Variants in SARNP observed in about 807,000 individuals in gnomAD.
SARNP encodes SAP domain containing ribonucleoprotein.
In SARNP, 5 loss-of-function variants were observed where a neutral mutation model predicts 38.1. The observed-to-expected ratio is 0.13, with a 90% CI of 0.07 to 0.28. SARNP has a LOEUF of 0.28. SARNP is among the 10% of genes least tolerant of loss of function. SARNP has a pLI of 1.00. For synonymous variants in SARNP, 84 were observed against 80.6 expected, an observed-to-expected ratio of 1.04 and a Z score of -0.23; for missense variants, 180 against 243.9, an observed-to-expected ratio of 0.74 and a Z score of 1.75.
intron 7 of SARNP, 186 bp downstream of exon 7, chr12:55,794,173 G>C: frequency 1.7e-6 from 1 of 598,518 alleles, no homozygotes; most frequent in Non-Finnish European, 3.0e-6. Flanking sequence ...ATAACATTCA[G>C]TATCTCTCTT....
chr12:55,796,169 C>T, intron 4 of SARNP, 93 bp from the exon 5 acceptor site: 5 of 885,804 alleles, frequency 5.6e-6, no homozygotes, highest in African/African-American at 1.6e-5. Context: ...TCACCATTCT[C>T]TGCCCTATTA....
rs1878730334 is a variant in SARNP at position 55,763,293 on chromosome 12, A to G, written c.502-2653T>C. On this transcript the variant is annotated intron_variant, in intron 9 of 10. Coordinates refer to ENST00000336133, the MANE Select transcript of SARNP (RefSeq NM_033082.4). ...CTGTGTGCAGTTCTTTACACATGCAATATCTCATTTACTACTTTTTTTTTT... is the reference window on the plus strand; with the variant it reads ...CTGTGTGCAGTTCTTTACACATGCAGTATCTCATTTACTACTTTTTTTTTT... 3.3e-5 allele frequency among the ~76,000 whole-genome samples: 5 copies of G among 151,446 alleles called. No homozygotes were observed. The Admixed American group carries it at 3.3e-4, about 10-fold the overall frequency.
At chr12:55,771,108 T>C (rs1878996917) in intron 9 of SARNP, among the ~76,000 whole-genome samples, 1 of 150,346 alleles carries the variant, frequency 6.7e-6, no homozygotes, top group African/African-American at 2.5e-5. Context: ...TGGCTGTTTT[T>C]TGTTTGTTTG....
chr12:55,757,651 G>T, intron 10 of SARNP, 98 bp from the exon 11 acceptor site: 1 of 861,480 alleles, frequency 1.2e-6, no homozygotes. Flanking sequence ...CTGTCACAAG[G>T]CCCGAGAAGG....
intron 9 of SARNP, among the ~76,000 whole-genome samples, chr12:55,770,227 A>ATT (rs758062236): frequency 7.0e-5 from 10 of 142,626 alleles, no homozygotes; most frequent in South Asian, 2.2e-4. Flanking sequence ...TATAACTAGA[A>ATT]TTTTTTTTTT....
rs936084782 is a variant in SARNP, at chr12:55,757,566, A to G, written c.592-13T>C. The G allele has an allele frequency of 6.2e-7, 1 of 1,604,886 alleles. No homozygotes were observed. Among genetic ancestry groups the G allele is most frequent in the Non-Finnish European group, 8.5e-7 (1 of 1,177,240 alleles). On this transcript the variant is annotated splice_polypyrimidine_tract_variant and intron_variant, in intron 10 of 10. Transcript: ENST00000336133. ...TCCTCTTCTTTGCCTGTAAAGAAGAAGCAAGAAGAAAAAAATTAGACTGAA... is the reference window on the plus strand; with the variant it reads ...TCCTCTTCTTTGCCTGTAAAGAAGAGGCAAGAAGAAAAAAATTAGACTGAA...
intron 9 of SARNP, among the ~76,000 whole-genome samples, chr12:55,777,426 G>A (rs1344128591): frequency 6.6e-6 from 1 of 151,002 alleles, no homozygotes; most frequent in Non-Finnish European, 1.5e-5. Context: ...CCAGGCTGGA[G>A]TGCAGTGGCA....
At chr12:55,774,344 T>C (rs537401830) in intron 9 of SARNP, among the ~76,000 whole-genome samples, 20 of 150,738 alleles carry the variant, frequency 1.3e-4, no homozygotes, top group South Asian at 1.1e-3. Context: ...ACCTCATACC[T>C]AAGCATGGGT....
At chr12:55,783,817 G>A (rs750267708) in intron 9 of SARNP, among the ~76,000 whole-genome samples, 10 of 151,956 alleles carry the variant, frequency 6.6e-5, no homozygotes, top group Non-Finnish European at 1.0e-4. Context: ...ATTAGGCTGC[G>A]CACAGTGGCT....
At chr12:55,792,083 CCT>C (rs1879687096) in intron 7 of SARNP, among the ~76,000 whole-genome samples, 1 of 152,058 alleles carries the variant, frequency 6.6e-6, no homozygotes, top group Non-Finnish European at 1.5e-5. Flanking sequence ...ATAGTGAAAC[CCT>C]GTCTCTTAAA....
At chr12:55,757,582 T>C (rs1486121590) in intron 10 of SARNP, 29 bp from the exon 11 acceptor site, 1 of 1,594,084 alleles carries the variant, frequency 6.3e-7, no homozygotes, top group Non-Finnish European at 8.6e-7. Context: ...AAGAAAAAAA[T>C]TAGACTGAAG....
At chr12:55,756,157 G>A (rs534002125), downstream of SARNP, 6 of 152,316 alleles carry the variant, frequency 3.9e-5, no homozygotes, top group African/African-American at 1.2e-4. Context: ...GTAAAGAAAA[G>A]GAAGGCAGAC....
chr12:55,791,532 T>C (rs1218567059), intron 7 of SARNP, among the ~76,000 whole-genome samples: 2 of 152,026 alleles, frequency 1.3e-5, no homozygotes, highest in African/African-American at 4.8e-5. Flanking sequence ...CCATCTCTAC[T>C]ACAAATACAA....
intron 3 of SARNP, 63 bp downstream of exon 3, chr12:55,800,791 T>C: frequency 6.9e-7 from 1 of 1,441,134 alleles, no homozygotes; most frequent in Non-Finnish European, 9.8e-7. Flanking sequence ...TGACTGATGT[T>C]AAAGCAATGT....
chr12:55,808,501 T>C (rs920335464), intron 1 of SARNP, among the ~76,000 whole-genome samples: 2 of 152,094 alleles, frequency 1.3e-5, no homozygotes, highest in Non-Finnish European at 2.9e-5. Context: ...TTTCCCATGT[T>C]GGTCAGGCTA....
intron 9 of SARNP, 61 bp downstream of exon 9, chr12:55,789,014 T>C (rs73119252): frequency 0.044 from 48,833 of 1,100,342 alleles, 1,233 homozygotes; most frequent in Middle Eastern, 0.11. Flanking sequence ...TTCCAGCCTA[T>C]GTAGTTCCCA....
At chr12:55,816,877 A>G (rs1353237241) in intron 1 of SARNP, among the ~76,000 whole-genome samples, 2 of 152,302 alleles carry the variant, frequency 1.3e-5, no homozygotes, top group African/African-American at 2.4e-5. Context: ...GCCAATGGTA[A>G]CACCAGGAGA....
At chr12:55,811,855 T>A (rs746079525) in intron 1 of SARNP, among the ~76,000 whole-genome samples, 5 of 152,210 alleles carry the variant, frequency 3.3e-5, no homozygotes, top group Admixed American at 6.5e-5. Flanking sequence ...ATCAGCATTA[T>A]CTTTAAAATA....
In SARNP at chr12:55,800,875, ATCT is replaced by A. The variant is rs780676938; in HGVS notation, c.159_161del (p.Glu53del). The A allele has an allele frequency of 5.0e-6, 8 of 1,613,248 alleles. No homozygotes were observed. Among genetic ancestry groups the A allele is most frequent in the Non-Finnish European group, 6.8e-6 (8 of 1,179,400 alleles). ...TCACCTCTGTTTCATCTCCCAGTAC[ATCT>A]TCTTCATTTGCCTCCTCTTCAGCTA... is the stretch of plus-strand genomic sequence containing the variant. On this transcript the variant is annotated inframe_deletion, in exon 3 of 11. Coordinates refer to ENST00000336133, the MANE Select transcript of SARNP (RefSeq NM_033082.4).
Sources: gnomAD v4.1 joint callset for allele counts (sites outside exome capture counted in the v4.1 genomes callset) on GRCh38, gnomAD v4.1.1 for gene constraint, MANE v1.5 for transcripts, NCBI Gene and HGNC (gene_info 2026-07-23, HGNC 2026-07-21) for gene names.